MCTP1: variants seen among roughly 807,000 people sequenced by gnomAD.
MCTP1 encodes multiple C2 and transmembrane domain-containing protein 1.
Under a neutral mutation model 120.6 loss-of-function variants are expected in MCTP1, and 69 were observed. That is an observed-to-expected ratio of 0.57 (90% confidence interval 0.47 to 0.70). The LOEUF (loss-of-function observed/expected upper bound fraction) is 0.70. MCTP1 is among the 30% of genes least tolerant of loss of function. The pLI, the probability that MCTP1 is intolerant of heterozygous loss-of-function variation, is 0.00. For missense variants in MCTP1, 1,203 were observed against 1,248.8 expected (o/e 0.96, Z 0.55); for synonymous variants, 529 against 493.1 (o/e 1.07, Z -0.96).
chr5:95,234,017 G>GA (rs11325013), intron 1 of MCTP1, among the ~76,000 whole-genome samples: 256 of 125,462 alleles, frequency 2.0e-3, no homozygotes, highest in Middle Eastern at 4.1e-3. Context: ...GATCAGAGAA[G>GA]AAAAAAAAAA....
In MCTP1 at chr5:95,129,880, C is replaced by T. The variant is rs560579371; in HGVS notation, c.721-112396G>A. On this transcript the variant is annotated intron_variant, in intron 1 of 22. Coordinates refer to ENST00000515393, the MANE Select transcript of MCTP1 (RefSeq NM_024717.7). ...TTCGCTGTGTTGGCCAGACTGGTCTCGAACTCCTGACCTCAGGCGATCCAC... is the reference window on the plus strand; with the variant it reads ...TTCGCTGTGTTGGCCAGACTGGTCTTGAACTCCTGACCTCAGGCGATCCAC... Among the ~76,000 whole-genome samples, 136 of 152,220 alleles carry T rather than the reference C, an allele frequency of 8.9e-4. 1 individual carries two copies. The highest frequency in any genetic ancestry group is 1.3e-3 in the Non-Finnish European group (87 of 68,000).
At chr5:94,815,754 T>C (rs1309633026) in intron 17 of MCTP1, among the ~76,000 whole-genome samples, 1 of 152,152 alleles carries the variant, frequency 6.6e-6, no homozygotes, top group Non-Finnish European at 1.5e-5. Context: ...CATACAATAG[T>C]GTACAGCTTT....
rs377123924 is a variant in MCTP1, at chr5:94,730,276, C to T, written c.2611-15390G>A. Among the ~76,000 whole-genome samples the T allele has an allele frequency of 2.2e-4, 34 of 152,344 alleles. No individual in the cohort carries two copies. The East Asian group carries it at 2.5e-3, about 11-fold the overall frequency. ...CTGGGCTCAAGCAATCCTCCCACCTCAGCCTCCTGAATAGCTGGGACCACT... is the reference window on the plus strand; with the variant it reads ...CTGGGCTCAAGCAATCCTCCCACCTTAGCCTCCTGAATAGCTGGGACCACT... On this transcript the variant is annotated intron_variant, in intron 19 of 22. Coordinates refer to ENST00000515393, the MANE Select transcript of MCTP1 (RefSeq NM_024717.7).
At chr5:94,748,586 G>C (rs569970686) in intron 19 of MCTP1, among the ~76,000 whole-genome samples, 30 of 152,220 alleles carry the variant, frequency 2.0e-4, no homozygotes, top group Non-Finnish European at 3.8e-4. Flanking sequence ...TGTGGGGCAA[G>C]TTTTTATTCT....
At chr5:95,048,250 A>C (rs926018626) in intron 1 of MCTP1, among the ~76,000 whole-genome samples, 4 of 152,200 alleles carry the variant, frequency 2.6e-5, no homozygotes, top group Admixed American at 2.6e-4. Context: ...AAAAATGGCA[A>C]GGAAAATGCA....
chr5:95,105,229 A>G (rs566751820), intron 1 of MCTP1, among the ~76,000 whole-genome samples: 1 of 152,334 alleles, frequency 6.6e-6, no homozygotes, highest in South Asian at 2.1e-4. Flanking sequence ...AGTACATCTT[A>G]TATTTGCAAA....
intron 1 of MCTP1, among the ~76,000 whole-genome samples, chr5:95,233,689 G>A (rs1281465272): frequency 6.6e-6 from 1 of 152,018 alleles, no homozygotes; most frequent in African/African-American, 2.4e-5. Context: ...GCATTAGAAA[G>A]GATTTTAAAC....
At chr5:94,957,524 G>A (rs12513589) in intron 2 of MCTP1, among the ~76,000 whole-genome samples, 18,113 of 151,968 alleles carry the variant, frequency 0.12, 1,343 homozygotes, top group Non-Finnish European at 0.16. Context: ...CCCATCTCAC[G>A]TGCAAAGACA....
At chr5:94,772,228 GTTCTCT>G (rs1477556154) in intron 19 of MCTP1, among the ~76,000 whole-genome samples, 1 of 152,146 alleles carries the variant, frequency 6.6e-6, no homozygotes, top group African/African-American at 2.4e-5. Flanking sequence ...CCGCCCTGTG[GTTCTCT>G]TTCTGAGTCT....
At chr5:95,066,808 T>G (rs1582122330) in intron 1 of MCTP1, among the ~76,000 whole-genome samples, 1 of 152,142 alleles carries the variant, frequency 6.6e-6, no homozygotes. Context: ...CCATAGAAAG[T>G]GCAGTGGGGA....
intron 19 of MCTP1, among the ~76,000 whole-genome samples, chr5:94,775,402 C>T (rs1775074339): frequency 6.6e-6 from 1 of 152,148 alleles, no homozygotes; most frequent in Admixed American, 6.5e-5. Flanking sequence ...TGCAGACTGA[C>T]CACTGTATTA....
At chr5:95,272,415 G>A (rs1366706669) in intron 1 of MCTP1, among the ~76,000 whole-genome samples, 1 of 152,108 alleles carries the variant, frequency 6.6e-6, no homozygotes, top group Non-Finnish European at 1.5e-5. Flanking sequence ...ATACCACCTG[G>A]ATAGTCCCAC....
Position 95,113,163 on chromosome 5 carries a change from G to GA in MCTP1, c.721-95680dup, listed in dbSNP as rs553552116. 3.9e-5 allele frequency among the ~76,000 whole-genome samples: 6 copies of GA among 151,950 alleles called. No homozygotes were observed. The South Asian group carries it at 1.2e-3, about 32-fold the overall frequency. ...CATGCATTAATTATGCAAATACTTTGAAAAAAACATTAAAGCAGCCTCTAT... is the reference window on the plus strand; with the variant it reads ...CATGCATTAATTATGCAAATACTTTGAAAAAAAACATTAAAGCAGCCTCTAT... On this transcript the variant is annotated intron_variant, in intron 1 of 22. Transcript: ENST00000515393.
intron 17 of MCTP1, among the ~76,000 whole-genome samples, chr5:94,860,438 C>T (rs6868059): frequency 0.11 from 16,134 of 151,678 alleles, 1,028 homozygotes; most frequent in East Asian, 0.26. Flanking sequence ...AGAAAACCCT[C>T]ATATGGGTTT....
intron 19 of MCTP1, among the ~76,000 whole-genome samples, chr5:94,768,452 G>A (rs1773305801): frequency 6.6e-6 from 1 of 151,480 alleles, no homozygotes; most frequent in Admixed American, 6.6e-5. Flanking sequence ...GAAATAATAA[G>A]AACGAAGAAA....
chr5:95,255,439 C>A (rs1026848723), intron 1 of MCTP1, among the ~76,000 whole-genome samples: 3 of 152,120 alleles, frequency 2.0e-5, no homozygotes, highest in Non-Finnish European at 4.4e-5. Context: ...ATTTCCCAAT[C>A]ATATACTACA....
chr5:94,902,368 A>G (rs745836161), intron 10 of MCTP1, among the ~76,000 whole-genome samples: 3 of 152,208 alleles, frequency 2.0e-5, no homozygotes, highest in African/African-American at 4.8e-5. Flanking sequence ...GAGGAAATTT[A>G]TATCTGCTCT....
chr5:95,162,453 T>A (rs1025960295), intron 1 of MCTP1, among the ~76,000 whole-genome samples: 2 of 152,194 alleles, frequency 1.3e-5, no homozygotes, highest in African/African-American at 4.8e-5. Flanking sequence ...GTCATGTAAC[T>A]TCCTCTTTTA....
At chr5:94,823,451 G>T (rs1786154733) in intron 17 of MCTP1, among the ~76,000 whole-genome samples, 1 of 152,184 alleles carries the variant, frequency 6.6e-6, no homozygotes, top group African/African-American at 2.4e-5. Flanking sequence ...CTGTAGCCTT[G>T]TAGTATAGTT....
Sources: gnomAD v4.1 joint callset for allele counts (sites outside exome capture counted in the v4.1 genomes callset) on GRCh38, gnomAD v4.1.1 for gene constraint, MANE v1.5 for transcripts, NCBI Gene and HGNC (gene_info 2026-07-23, HGNC 2026-07-21) for gene names.